The following NR5A2 variants were observed in gnomAD, a reference collection of about 807,000 sequenced individuals.
The protein encoded by NR5A2 is nuclear receptor subfamily 5 group A member 2, also known as CYP7A promoter-binding factor.
NR5A2 carries 26 observed loss-of-function variants against 62.7 expected under a neutral mutation model. The ratio of observed to expected loss-of-function variants is 0.41; its 90% CI spans 0.30 to 0.58. The LOEUF (loss-of-function observed/expected upper bound fraction) is 0.58, where lower values mean the gene tolerates loss of function less well. Among genes scored for constraint, NR5A2 ranks in the 20% least tolerant of loss-of-function variants. The pLI is 0.22. For missense variants in NR5A2, 541 were observed against 669.1 expected, an observed-to-expected ratio of 0.81 and a Z score of 2.11; for synonymous variants, 246 against 241.7, an observed-to-expected ratio of 1.02 and a Z score of -0.16.
intron 6 of NR5A2, among the ~76,000 whole-genome samples, chr1:200,111,664 A>T (rs1665962998): frequency 6.6e-6 from 1 of 152,192 alleles, no homozygotes; most frequent in Admixed American, 6.5e-5. Context: ...CTTGTTTGTC[A>T]GCTGTTTTAA....
intron 5 of NR5A2, among the ~76,000 whole-genome samples, chr1:200,064,234 C>T (rs1287162585): frequency 1.3e-5 from 2 of 152,128 alleles, no homozygotes; most frequent in Non-Finnish European, 1.5e-5. Context: ...AGAACCCCTC[C>T]TGACATTGAT....
intron 7 of NR5A2, among the ~76,000 whole-genome samples, chr1:200,128,799 G>A (rs367757779): frequency 6.6e-5 from 10 of 152,070 alleles, no homozygotes; most frequent in Non-Finnish European, 1.3e-4. Context: ...ATCATAACTC[G>A]GCTCTTGCAA....
chr1:200,102,549 C>A (rs867967578), intron 5 of NR5A2, among the ~76,000 whole-genome samples: 5 of 152,256 alleles, frequency 3.3e-5, no homozygotes, highest in African/African-American at 1.2e-4. Context: ...TTGGGCAGGA[C>A]CGAGGAGGCC....
Position 200,103,089 on chromosome 1 carries a change from G to A in NR5A2, c.1111-8113G>A, listed in dbSNP as rs189292774. Among the ~76,000 whole-genome samples the A allele has an allele frequency of 3.4e-5, 5 of 146,190 alleles. 1 individual carries two copies. In the East Asian group the frequency reaches 1.0e-3, roughly 29 times the overall value. On this transcript the variant is annotated intron_variant, in intron 5 of 7. Coordinates refer to ENST00000367362, the MANE Select transcript of NR5A2 (RefSeq NM_205860.3). ...ATAAGTTCTGCTTCATTGAGTTGTTGTGAAGATTAAATGAGTTCATGCATG... is the reference window on the plus strand; with the variant it reads ...ATAAGTTCTGCTTCATTGAGTTGTTATGAAGATTAAATGAGTTCATGCATG...
intron 5 of NR5A2, among the ~76,000 whole-genome samples, chr1:200,089,617 G>A (rs1427663031): frequency 6.6e-6 from 1 of 152,094 alleles, no homozygotes; most frequent in African/African-American, 2.4e-5. Flanking sequence ...CTATAGGCGT[G>A]TGCCACCAAG....
chr1:200,126,342 A>G (rs1473890166), intron 7 of NR5A2, among the ~76,000 whole-genome samples: 1 of 152,056 alleles, frequency 6.6e-6, no homozygotes, highest in African/African-American at 2.4e-5. Context: ...GCTAAGTGAA[A>G]TGTTCTTGTT....
chr1:200,131,285 A>G (rs902798593), intron 7 of NR5A2, among the ~76,000 whole-genome samples: 1 of 152,160 alleles, frequency 6.6e-6, no homozygotes, highest in African/African-American at 2.4e-5. Context: ...ACCAGATGTA[A>G]TTCATTTTGG....
In NR5A2 at chr1:200,027,922, G is replaced by T; in HGVS notation, c.64+11G>T. The stretch of plus-strand genomic sequence containing the variant: ...GACTTACACCTATTGGTAAGTAGGA[G>T]TTTCTCTATTGATCATCTATTTATT... On this transcript the variant is annotated intron_variant, in intron 1 of 7. Transcript: ENST00000367362. 6.4e-7 allele frequency: 1 copy of T among 1,557,426 alleles called. No homozygotes were observed. Among genetic ancestry groups the T allele is most frequent in the South Asian group, 1.2e-5 (1 of 82,970 alleles).
At chr1:200,052,988 G>GA (rs1662728621) in intron 5 of NR5A2, among the ~76,000 whole-genome samples, 1 of 151,806 alleles carries the variant, frequency 6.6e-6, no homozygotes, top group Middle Eastern at 3.4e-3. Context: ...TACCACATAG[G>GA]AAAAAAAGAG....
chr1:200,099,882 G>A (rs1019556396), intron 5 of NR5A2, among the ~76,000 whole-genome samples: 7 of 152,168 alleles, frequency 4.6e-5, no homozygotes, highest in South Asian at 4.1e-4. Flanking sequence ...ATGAGCCACC[G>A]CGCCTGGCCA....
rs1330972822 is a variant in NR5A2 at position 200,149,200 on chromosome 1, C to T, written c.1379-24763C>T. Among the ~76,000 whole-genome samples the T allele has an allele frequency of 2.0e-5, 3 of 152,328 alleles. No individual in the cohort carries two copies. The East Asian group carries it at 5.8e-4, about 29-fold the overall frequency. Reference sequence around the variant, plus strand: ...AGGCTGGGATTACAGGCATGAGCCACCTCACCCGGCCACACGCAGTACACT... The same window carrying T: ...AGGCTGGGATTACAGGCATGAGCCATCTCACCCGGCCACACGCAGTACACT... On this transcript the variant is annotated intron_variant, in intron 7 of 7. Transcript: ENST00000367362.
chr1:200,027,942 T>G (rs569886341), intron 1 of NR5A2, 31 bp downstream of exon 1: 2 of 1,434,712 alleles, frequency 1.4e-6, no homozygotes. Flanking sequence ...TGATCATCTA[T>G]TTATTCTGCT....
At chr1:200,094,243 GACGCCATCTCT>G (rs1664961601) in intron 5 of NR5A2, among the ~76,000 whole-genome samples, 1 of 150,598 alleles carries the variant, frequency 6.6e-6, no homozygotes. Flanking sequence ...GGAGTGCAGT[GACGCCATCTCT>G]GTTCACTGCA....
At chr1:200,121,031 C>T in intron 7 of NR5A2, 76 bp downstream of exon 7, 1 of 1,517,822 alleles carries the variant, frequency 6.6e-7, no homozygotes, top group Non-Finnish European at 9.1e-7. Flanking sequence ...TCTTGTGGTC[C>T]ATGTATGTTT....
intron 1 of NR5A2, among the ~76,000 whole-genome samples, chr1:200,030,529 G>A (rs1048247129): frequency 4.6e-5 from 7 of 152,144 alleles, no homozygotes; most frequent in Non-Finnish European, 8.8e-5. Context: ...CAGACTCTTG[G>A]TTTCTGGTCT....
chr1:200,075,499 A>G (rs1401342767), intron 5 of NR5A2, among the ~76,000 whole-genome samples: 1 of 152,244 alleles, frequency 6.6e-6, no homozygotes, highest in Non-Finnish European at 1.5e-5. Context: ...GGAGCATGCA[A>G]ATAGTTGCAG....
chr1:200,159,399 T>C (rs1472610112), intron 7 of NR5A2, among the ~76,000 whole-genome samples: 1 of 152,114 alleles, frequency 6.6e-6, no homozygotes, highest in African/African-American at 2.4e-5. Flanking sequence ...ATTGCAAAGA[T>C]GTCACCCAGG....
At chr1:200,123,011 G>T (rs1265718342) in intron 7 of NR5A2, among the ~76,000 whole-genome samples, 6 of 152,120 alleles carry the variant, frequency 3.9e-5, no homozygotes, top group African/African-American at 1.4e-4. Flanking sequence ...CCAAATGCTG[G>T]TTTTACCTGT....
intron 5 of NR5A2, among the ~76,000 whole-genome samples, chr1:200,063,403 C>T (rs1475899113): frequency 1.3e-5 from 2 of 152,206 alleles, no homozygotes; most frequent in East Asian, 3.9e-4. Context: ...CGTGATCCAC[C>T]CACCTTGGCC....
Sources: allele counts gnomAD v4.1 joint callset (sites outside exome capture counted in the v4.1 genomes callset), GRCh38; gene constraint gnomAD v4.1.1; transcripts MANE v1.5; gene names NCBI Gene and HGNC (gene_info 2026-07-23, HGNC 2026-07-21).